Variants in GALNT14 observed in about 807,000 individuals in gnomAD.
GALNT14 encodes UDP-GalNAc:polypeptide N-acetylgalactosaminyltransferase 14.
In GALNT14, 60 loss-of-function variants were observed where a neutral mutation model predicts 77.5. The observed-to-expected ratio is 0.77, with a 90% confidence interval of 0.63 to 0.96. GALNT14 has a LOEUF of 0.96. Among genes scored for constraint, GALNT14 ranks in the 40% least tolerant of loss-of-function variants. The pLI is 0.00. For synonymous variants in GALNT14, 280 were observed against 281.7 expected, an observed-to-expected ratio of 0.99 and a Z score of 0.06; for missense variants, 710 against 731.0, an observed-to-expected ratio of 0.97 and a Z score of 0.33.
chr2:30,919,246 T>C (rs1170801627), intron 13 of GALNT14, among the ~76,000 whole-genome samples: 1 of 152,212 alleles, frequency 6.6e-6, no homozygotes, highest in Non-Finnish European at 1.5e-5. Context: ...GATGTATTTC[T>C]CTCGCATTTC....
At chr2:31,136,988 C>G (rs146263324) in intron 1 of GALNT14, among the ~76,000 whole-genome samples, 1 of 152,126 alleles carries the variant, frequency 6.6e-6, no homozygotes, top group African/African-American at 2.4e-5. Flanking sequence ...TTGCCCAGAC[C>G]CCTAGACGAC....
At chr2:31,092,110 C>G (rs1240899229) in intron 1 of GALNT14, among the ~76,000 whole-genome samples, 1 of 152,154 alleles carries the variant, frequency 6.6e-6, no homozygotes, top group Non-Finnish European at 1.5e-5. Context: ...GCTCTCAGGA[C>G]TTTGGCCATA....
intron 6 of GALNT14, among the ~76,000 whole-genome samples, chr2:30,952,616 G>C (rs1353310965): frequency 3.4e-5 from 4 of 119,294 alleles, no homozygotes; most frequent in Admixed American, 9.4e-5. Flanking sequence ...GTGGTGGGGT[G>C]GGGGGAGGGG....
intron 1 of GALNT14, among the ~76,000 whole-genome samples, chr2:31,071,200 G>T (rs1337992909): frequency 6.6e-6 from 1 of 152,086 alleles, no homozygotes; most frequent in Non-Finnish European, 1.5e-5. Context: ...CACCACTAAA[G>T]AACTTACTCA....
intron 1 of GALNT14, among the ~76,000 whole-genome samples, chr2:31,131,828 C>T (rs1679009602): frequency 6.6e-6 from 1 of 152,132 alleles, no homozygotes; most frequent in Non-Finnish European, 1.5e-5. Flanking sequence ...AATGATACAA[C>T]CAGATGGGCA....
At chr2:31,073,094 A>C (rs1675519944) in intron 1 of GALNT14, 2 of 152,170 alleles carry the variant, frequency 1.3e-5, no homozygotes, top group African/African-American at 4.8e-5. Flanking sequence ...TCCAATCTGG[A>C]CTCAAACACC....
chr2:31,099,904 T>C (rs1179753140), intron 1 of GALNT14, among the ~76,000 whole-genome samples: 3 of 152,006 alleles, frequency 2.0e-5, no homozygotes, highest in Admixed American at 1.3e-4. Context: ...ACTTAACTAG[T>C]TTTAGAAAAT....
At chr2:30,945,575 TG>T (rs1666641814) in intron 7 of GALNT14, among the ~76,000 whole-genome samples, 1 of 152,222 alleles carries the variant, frequency 6.6e-6, no homozygotes, top group Non-Finnish European at 1.5e-5. Context: ...GCTGGAGCTC[TG>T]GGTGCTGGGA....
intron 1 of GALNT14, among the ~76,000 whole-genome samples, chr2:31,056,416 T>G (rs911053120): frequency 6.6e-6 from 1 of 152,152 alleles, no homozygotes; most frequent in Non-Finnish European, 1.5e-5. Context: ...CCAAAAACCA[T>G]CTCAGGCGTA....
chr2:30,904,004 A>ATAAAGCCC, the GALNT14 span, among the ~76,000 whole-genome samples: 1 of 152,242 alleles, frequency 6.6e-6, no homozygotes, highest in Non-Finnish European at 1.5e-5. Context: ...GCCACAGGCC[A>ATAAAGCCC]TAAAGCCCTA....
intron 6 of GALNT14, among the ~76,000 whole-genome samples, chr2:30,946,661 T>C (rs1025183955): frequency 1.3e-5 from 2 of 152,214 alleles, no homozygotes; most frequent in African/African-American, 4.8e-5. Context: ...TATTTCTTTA[T>C]AGCAATGTTA....
At chr2:31,103,968 T>C (rs1677424902) in intron 1 of GALNT14, among the ~76,000 whole-genome samples, 1 of 152,226 alleles carries the variant, frequency 6.6e-6, no homozygotes, top group African/African-American at 2.4e-5. Context: ...AAAATTGTCT[T>C]ACAATTGTCT....
At chr2:30,994,145 C>A (rs1175433024) in intron 1 of GALNT14, among the ~76,000 whole-genome samples, 1 of 152,220 alleles carries the variant, frequency 6.6e-6, no homozygotes, top group Non-Finnish European at 1.5e-5. Flanking sequence ...CTGATTGGAA[C>A]ATGAGGGTTG....
At chr2:30,983,830 TTCTC>T (rs1669134487) in intron 2 of GALNT14, among the ~76,000 whole-genome samples, 1 of 129,616 alleles carries the variant, frequency 7.7e-6, no homozygotes, top group African/African-American at 2.9e-5. Flanking sequence ...CACACACACT[TTCTC>T]TAACTCAGTG....
Position 30,955,876 on chromosome 2 carries a change from C to T in GALNT14, c.532+36G>A, listed in dbSNP as rs775113748. 3 of 1,613,148 alleles carry T rather than the reference C, an allele frequency of 1.9e-6. No individual in the cohort carries two copies. The South Asian group carries it at 3.3e-5, about 18-fold the overall frequency. Reference sequence around the variant, plus strand: ...ATCACACCTTCGACCCCCCGACACTCACACTGGAGGCTCCCGCACAACAGC... The same window carrying T: ...ATCACACCTTCGACCCCCCGACACTTACACTGGAGGCTCCCGCACAACAGC... On this transcript the variant is annotated intron_variant, in intron 5 of 14. Transcript: ENST00000349752.
chr2:30,991,813 A>G lies in GALNT14; in HGVS notation c.299+1025T>C, dbSNP rs554126503. ...CCTAGTTGGGGAAATGGAGTCCGCC[A>G]GCCTTCACAGGGTACCATCTTAAGA... On this transcript the variant is annotated intron_variant, in intron 2 of 14. Coordinates refer to ENST00000349752, the MANE Select transcript of GALNT14 (RefSeq NM_024572.4). Among the ~76,000 whole-genome samples the G allele has an allele frequency of 1.9e-4, 29 of 152,330 alleles. No homozygotes were observed. In the South Asian group the frequency reaches 5.6e-3, roughly 29 times the overall value.
chr2:31,031,377 G>A (rs1672400677), intron 1 of GALNT14, among the ~76,000 whole-genome samples: 1 of 152,216 alleles, frequency 6.6e-6, no homozygotes, highest in Admixed American at 6.5e-5. Context: ...GAGATTACTG[G>A]ACCATTATTT....
intron 1 of GALNT14, 140 bp downstream of exon 1, chr2:31,137,818 A>T: frequency 9.5e-7 from 1 of 1,058,012 alleles, no homozygotes; most frequent in South Asian, 1.7e-5. Flanking sequence ...ATCACATGGT[A>T]GCCACATCCG....
chr2:30,931,218 G>C (rs1416220615), intron 10 of GALNT14, among the ~76,000 whole-genome samples: 2 of 152,122 alleles, frequency 1.3e-5, no homozygotes, highest in Non-Finnish European at 2.9e-5. Context: ...AGCTGTGTTG[G>C]GGTGGCTGTG....
Sources: gnomAD v4.1 joint callset for allele counts (sites outside exome capture counted in the v4.1 genomes callset) on GRCh38, gnomAD v4.1.1 for gene constraint, MANE v1.5 for transcripts, NCBI Gene and HGNC (gene_info 2026-07-23, HGNC 2026-07-21) for gene names.